FLT1: variants seen among roughly 807,000 people sequenced by gnomAD.
FLT1 encodes the protein vascular endothelial growth factor receptor 1.
A neutral mutation model predicts 156.3 loss-of-function variants in FLT1; 49 were observed. That is an observed-to-expected ratio of 0.31 (90% CI 0.25 to 0.40). The LOEUF (loss-of-function observed/expected upper bound fraction) is 0.40, where lower values mean the gene tolerates loss of function less well. Among genes scored for constraint, FLT1 ranks in the 10% least tolerant of loss-of-function variants. FLT1 has a pLI of 1.00. For synonymous variants in FLT1, 594 were observed against 583.8 expected (o/e 1.02, Z -0.25); for missense variants, 1,322 against 1,637.2 (o/e 0.81, Z 3.32).
At position 28,353,508 on chromosome 13, in the gene FLT1, G is replaced by T. The variant is rs190710902; in HGVS notation, c.2248+4046C>A. Among the ~76,000 whole-genome samples the T allele has an allele frequency of 3.3e-5, 5 of 149,440 alleles. No individual in the cohort carries two copies. In the East Asian group the frequency reaches 5.9e-4, roughly 18 times the overall value. On this transcript the variant is annotated intron_variant, in intron 15 of 29. Coordinates refer to ENST00000282397, the MANE Select transcript of FLT1 (RefSeq NM_002019.4). ...GAATTGCTTGAGCTCAGGAGGCAGAGCTTGTAATGAGCCAAGATCATGCCA... is the reference window on the plus strand; with the variant it reads ...GAATTGCTTGAGCTCAGGAGGCAGATCTTGTAATGAGCCAAGATCATGCCA...
intron 25 of FLT1, among the ~76,000 whole-genome samples, chr13:28,316,921 C>A (rs1194305704): frequency 6.6e-6 from 1 of 152,178 alleles, no homozygotes; most frequent in East Asian, 1.9e-4. Flanking sequence ...CTGCGCCCGG[C>A]CCCTATTCCT....
chr13:28,304,706 C>G (rs1421613205), intron 29 of FLT1, among the ~76,000 whole-genome samples: 1 of 152,128 alleles, frequency 6.6e-6, no homozygotes, highest in Non-Finnish European at 1.5e-5. Context: ...CCCTCCAGCC[C>G]CAGCCCAAGG....
chr13:28,320,284 C>T (rs375306855), intron 23 of FLT1, among the ~76,000 whole-genome samples: 17 of 152,100 alleles, frequency 1.1e-4, no homozygotes, highest in African/African-American at 2.7e-4. Context: ...GACCAGGGCC[C>T]CAAGGAAAGT....
intron 3 of FLT1, among the ~76,000 whole-genome samples, chr13:28,441,928 T>C (rs961048353): frequency 5.3e-5 from 8 of 152,226 alleles, no homozygotes; most frequent in Non-Finnish European, 1.0e-4. Flanking sequence ...AAAACTCAAA[T>C]GATAAAGCTC....
At chr13:28,345,398 T>C in intron 16 of FLT1, 47 bp downstream of exon 16, 2 of 1,240,174 alleles carry the variant, frequency 1.6e-6, no homozygotes, top group Non-Finnish European at 2.3e-6. Flanking sequence ...ATCGGGCTTT[T>C]TAGAATATAT....
chr13:28,377,093 C>G (rs1873869278), intron 14 of FLT1, among the ~76,000 whole-genome samples: 1 of 152,186 alleles, frequency 6.6e-6, no homozygotes, highest in East Asian at 1.9e-4. Context: ...ATTTTCCTCT[C>G]TTATCTCTGG....
rs907435086 is a variant in FLT1 at position 28,330,214 on chromosome 13, T to A, written c.2594-486A>T. ...TCTTTGCAATGTGTTATTTTCTCCC[T>A]GTAACCCTGTCCTCTCTGGAGTTCA... is the stretch of plus-strand genomic sequence containing the variant. On this transcript the variant is annotated intron_variant, in intron 18 of 29. Coordinates refer to ENST00000282397, the MANE Select transcript of FLT1 (RefSeq NM_002019.4). 2.0e-5 allele frequency among the ~76,000 whole-genome samples: 3 copies of A among 152,246 alleles called. No homozygotes were observed. In the East Asian group the frequency reaches 5.8e-4, roughly 29 times the overall value.
intron 1 of FLT1, among the ~76,000 whole-genome samples, chr13:28,488,104 A>T (rs1182771894): frequency 1.6e-4 from 25 of 151,928 alleles, no homozygotes; most frequent in Admixed American, 1.6e-3. Context: ...GGTGTTAGTG[A>T]AGAGGAAATG....
intron 1 of FLT1, among the ~76,000 whole-genome samples, chr13:28,468,488 A>T (rs1879971798): frequency 1.3e-5 from 2 of 152,210 alleles, no homozygotes; most frequent in Admixed American, 1.3e-4. Context: ...ATTGGACTAG[A>T]CGACCTTGAA....
chr13:28,467,461 G>A (rs1879914247), intron 2 of FLT1, 60 bp downstream of exon 2: 1 of 1,118,258 alleles, frequency 8.9e-7, no homozygotes, highest in East Asian at 2.4e-5. Flanking sequence ...ACTCTGCCAG[G>A]GAATGATTTT....
At chr13:28,319,950 C>T (rs1187465788) in intron 23 of FLT1, among the ~76,000 whole-genome samples, 1 of 152,068 alleles carries the variant, frequency 6.6e-6, no homozygotes, top group African/African-American at 2.4e-5. Context: ...TGAAAGCATT[C>T]CTATGCAAAA....
intron 1 of FLT1, among the ~76,000 whole-genome samples, chr13:28,481,680 C>T (rs796945693): frequency 1.3e-4 from 20 of 152,326 alleles, no homozygotes; most frequent in African/African-American, 4.1e-4. Context: ...GGTCTTTCAG[C>T]TCTAAGCTGG....
intron 17 of FLT1, among the ~76,000 whole-genome samples, chr13:28,338,141 T>C (rs1872189701): frequency 6.6e-6 from 1 of 152,186 alleles, no homozygotes; most frequent in Non-Finnish European, 1.5e-5. Context: ...TTCCTCAGTG[T>C]AAGCAGAATC....
intron 25 of FLT1, among the ~76,000 whole-genome samples, chr13:28,315,898 C>T (rs1458455434): frequency 6.6e-6 from 1 of 152,118 alleles, no homozygotes; most frequent in East Asian, 1.9e-4. Context: ...AGCTGACAGA[C>T]GGCACATTGC....
At chr13:28,341,839 C>T (rs1157473939) in intron 16 of FLT1, among the ~76,000 whole-genome samples, 1 of 152,074 alleles carries the variant, frequency 6.6e-6, no homozygotes, top group African/African-American at 2.4e-5. Flanking sequence ...ATAGAAGGCA[C>T]CTCTTCAATC....
chr13:28,460,452 G>A (rs777807500), intron 3 of FLT1, among the ~76,000 whole-genome samples: 8 of 152,140 alleles, frequency 5.3e-5, no homozygotes, highest in Non-Finnish European at 1.0e-4. Context: ...TGTGGAGTAG[G>A]TATGTAATCA....
chr13:28,312,956 ATTTTTAT>A (rs1871064579), intron 25 of FLT1, among the ~76,000 whole-genome samples: 3 of 684 alleles, frequency 4.4e-3, no homozygotes, highest in African/African-American at 5.1e-3. Context: ...CTTACATTTT[ATTTTTAT>A]TTTTATTTTT....
chr13:28,390,946 C>T (rs879731656), intron 12 of FLT1, among the ~76,000 whole-genome samples: 3 of 152,214 alleles, frequency 2.0e-5, no homozygotes, highest in Admixed American at 6.5e-5. Flanking sequence ...TCCTCCTGCT[C>T]CTGTCCCAGA....
intron 22 of FLT1, among the ~76,000 whole-genome samples, chr13:28,321,799 T>C (rs1871472682): frequency 6.6e-6 from 1 of 152,254 alleles, no homozygotes; most frequent in Non-Finnish European, 1.5e-5. Context: ...CTGAATCCAC[T>C]GGGCTACTAT....
Sources: gnomAD v4.1 joint callset for allele counts (sites outside exome capture counted in the v4.1 genomes callset) on GRCh38, gnomAD v4.1.1 for gene constraint, MANE v1.5 for transcripts, NCBI Gene and HGNC (gene_info 2026-07-23, HGNC 2026-07-21) for gene names.